The following ZNF609 variants were observed in gnomAD, a reference collection of about 807,000 sequenced individuals.
ZNF609 encodes the protein zinc finger protein 609.
A neutral mutation model predicts 109.5 loss-of-function variants in ZNF609; 11 were observed. The observed-to-expected ratio is 0.10, with a 90% CI of 0.06 to 0.17. The LOEUF is 0.17. Ranked by LOEUF, ZNF609 falls within the 10% of genes least tolerant of loss-of-function variation. The probability of loss-of-function intolerance (pLI) is 1.00; values close to 1 mark genes in which losing one functional copy is unlikely to be tolerated. For missense variants in ZNF609, 1,559 were observed against 1,772.4 expected (o/e 0.88, Z 2.16); for synonymous variants, 646 against 662.0 (o/e 0.98, Z 0.37).
intron 1 of ZNF609, among the ~76,000 whole-genome samples, chr15:64,483,336 T>C (rs1420494581): frequency 1.3e-5 from 2 of 152,158 alleles, no homozygotes; most frequent in Non-Finnish European, 2.9e-5. Context: ...TTAGGTGATC[T>C]GCCCGCCTCA....
At chr15:64,654,992 A>C (rs1195775557) in intron 3 of ZNF609, among the ~76,000 whole-genome samples, 1 of 151,550 alleles carries the variant, frequency 6.6e-6, no homozygotes, top group East Asian at 1.9e-4. Flanking sequence ...GCTACTCGGG[A>C]GGTTGAGGCA....
intron 2 of ZNF609, among the ~76,000 whole-genome samples, chr15:64,571,910 G>A (rs1487110632): frequency 6.6e-6 from 1 of 152,128 alleles, no homozygotes; most frequent in Non-Finnish European, 1.5e-5. Flanking sequence ...GACCTCAAGT[G>A]ATCTCACAAA....
At chr15:64,486,517 CTG>C (rs1226242908) in intron 1 of ZNF609, among the ~76,000 whole-genome samples, 1 of 101,160 alleles carries the variant, frequency 9.9e-6, no homozygotes, top group African/African-American at 3.2e-5. Flanking sequence ...GAGTGAGACT[CTG>C]TCTCCAAAAA....
chr15:64,603,024 C>T (rs1175794706), intron 2 of ZNF609, among the ~76,000 whole-genome samples: 2 of 149,726 alleles, frequency 1.3e-5, no homozygotes, highest in African/African-American at 2.5e-5. Flanking sequence ...GGATTACAGG[C>T]GTGAGCTGCC....
At chr15:64,680,474 T>C in intron 7 of ZNF609, 114 bp downstream of exon 7, 1 of 1,403,842 alleles carries the variant, frequency 7.1e-7, no homozygotes, top group Middle Eastern at 2.6e-4. Flanking sequence ...TTGGCTGACT[T>C]GACACTGGCA....
intron 3 of ZNF609, among the ~76,000 whole-genome samples, chr15:64,647,469 C>T (rs1896352290): frequency 6.6e-6 from 1 of 152,022 alleles, no homozygotes; most frequent in Non-Finnish European, 1.5e-5. Flanking sequence ...ATAAATTACC[C>T]AGAGATAACC....
chr15:64,524,581 G>C (rs1358324957), intron 2 of ZNF609, among the ~76,000 whole-genome samples: 1 of 151,646 alleles, frequency 6.6e-6, no homozygotes, highest in East Asian at 1.9e-4. Context: ...AAAAAAAAGG[G>C]GGGGGCCTTT....
At chr15:64,593,758 A>G (rs1005615543) in intron 2 of ZNF609, among the ~76,000 whole-genome samples, 16 of 152,138 alleles carry the variant, frequency 1.1e-4, no homozygotes, top group Admixed American at 2.6e-4. Flanking sequence ...TCAAACTCCT[A>G]GACTCAAGTG....
chr15:64,638,676 T>C (rs1162748251), intron 3 of ZNF609, among the ~76,000 whole-genome samples: 1 of 151,414 alleles, frequency 6.6e-6, no homozygotes, highest in East Asian at 2.0e-4. Flanking sequence ...TGGACAGATT[T>C]CTTGAGCCCG....
At chr15:64,640,941 A>G (rs564486184) in intron 3 of ZNF609, among the ~76,000 whole-genome samples, 1 of 152,112 alleles carries the variant, frequency 6.6e-6, no homozygotes, top group East Asian at 1.9e-4. Context: ...CATCTTTCCC[A>G]TTTCTCCCAT....
In ZNF609 at chr15:64,673,977, A is replaced by T; in HGVS notation, c.1123A>T (p.Met375Leu). The T allele has an allele frequency of 1.2e-6, 2 of 1,614,202 alleles. No individual in the cohort carries two copies. The highest frequency in any genetic ancestry group is 1.7e-6 in the Non-Finnish European group (2 of 1,180,040). Residue 375 changes from methionine (M) to leucine (L), a missense_variant, in exon 5 of 10, where the codon ATG becomes TTG. Met to Leu is a conservative substitution (Grantham distance 15, BLOSUM62 2). Transcript: ENST00000326648. ...MRNGRGRGKR[M>L]RPNSNTPVNE... ...CAATGGCCGGGGTAGAGGCAAACGCATGCGTCCCAACAGTAATACACCTGT... is the reference window on the plus strand; with the variant it reads ...CAATGGCCGGGGTAGAGGCAAACGCTTGCGTCCCAACAGTAATACACCTGT...
rs561778587 is a variant in ZNF609 at position 64,669,980 on chromosome 15, T to G, written c.974-366T>G. 2.0e-5 allele frequency among the ~76,000 whole-genome samples: 3 copies of G among 152,320 alleles called. No individual in the cohort carries two copies. In the East Asian group the frequency reaches 5.8e-4, roughly 29 times the overall value. ...ACCACTCCCGGCCAAAAAAAAATTT[T>G]TTTAATTATCCAGGTGTGGTGACAT... is the stretch of plus-strand genomic sequence containing the variant. On this transcript the variant is annotated intron_variant, in intron 3 of 9. Coordinates refer to ENST00000326648, the MANE Select transcript of ZNF609 (RefSeq NM_015042.2).
At chr15:64,619,735 A>G (rs1895850529) in intron 2 of ZNF609, among the ~76,000 whole-genome samples, 1 of 152,216 alleles carries the variant, frequency 6.6e-6, no homozygotes, top group African/African-American at 2.4e-5. Context: ...CCTCATGTGT[A>G]TGAGTCTGTT....
At chr15:64,608,981 C>T (rs1455554143) in intron 2 of ZNF609, among the ~76,000 whole-genome samples, 1 of 152,100 alleles carries the variant, frequency 6.6e-6, no homozygotes, top group East Asian at 1.9e-4. Flanking sequence ...AAGCATTCTA[C>T]CCACCTCAGG....
At chr15:64,550,379 G>T (rs1446230513) in intron 2 of ZNF609, among the ~76,000 whole-genome samples, 1 of 151,876 alleles carries the variant, frequency 6.6e-6, no homozygotes, top group Non-Finnish European at 1.5e-5. Flanking sequence ...ATATATTTTG[G>T]ATATTAATCT....
intron 2 of ZNF609, among the ~76,000 whole-genome samples, chr15:64,595,222 G>T (rs551453155): frequency 2.0e-5 from 3 of 151,834 alleles, no homozygotes; most frequent in Admixed American, 6.6e-5. Context: ...TTAGCCGGGC[G>T]TGGTGGTGGG....
At position 64,499,947 on chromosome 15, in the gene ZNF609, G is replaced by C. The variant is rs374095560; in HGVS notation, c.528G>C (p.Gly176=). 10 of 1,613,984 alleles carry C rather than the reference G, an allele frequency of 6.2e-6. No homozygotes were observed. In the African/African-American group the frequency reaches 1.3e-4, roughly 22 times the overall value. ...KSKKERSEGV[G]TCSEKDPGVL... ...AGAAGGAGAGAAGCGAAGGAGTGGGGACTTGTTCAGAAAAGGATCCTGGGG... is the reference window on the plus strand; with the variant it reads ...AGAAGGAGAGAAGCGAAGGAGTGGGCACTTGTTCAGAAAAGGATCCTGGGG... Residue 176 remains glycine, a synonymous_variant, in exon 2 of 10, where the codon GGG becomes GGC. Coordinates refer to ENST00000326648, the MANE Select transcript of ZNF609 (RefSeq NM_015042.2).
rs1032155075 is a variant in ZNF609, at chr15:64,674,113, G to C, written c.1259G>C (p.Arg420Pro). The part of the protein sequence containing the change: ...RRGSQNSSEH[R>P]PPASSTSEDV... ...GGCAGCCAGAATTCTTCAGAGCACCGCCCACCTGCCAGCAGCACTTCTGAG... is the reference window on the plus strand; with the variant it reads ...GGCAGCCAGAATTCTTCAGAGCACCCCCCACCTGCCAGCAGCACTTCTGAG... Residue 420 changes from arginine (R) to proline (P), a missense_variant, in exon 5 of 10, where the codon CGC becomes CCC. This residue lies in a region of ZNF609 where 1,204 missense variants were observed against 1,314.1 expected (regional missense o/e 0.92). Transcript: ENST00000326648. The C allele has an allele frequency of 6.2e-7, 1 of 1,614,150 alleles. No individual in the cohort carries two copies. Among genetic ancestry groups the C allele is most frequent in the African/African-American group, 1.3e-5 (1 of 75,024 alleles).
intron 2 of ZNF609, among the ~76,000 whole-genome samples, chr15:64,511,594 T>A (rs763975308): frequency 6.6e-6 from 1 of 152,122 alleles, no homozygotes; most frequent in Admixed American, 6.5e-5. Context: ...ACATTCAGGT[T>A]GCAGAGTTTC....
Sources: gnomAD v4.1 joint callset for allele counts (sites outside exome capture counted in the v4.1 genomes callset) on GRCh38, gnomAD v4.1.1 for gene constraint, gnomAD v4.1.1 regional missense constraint, MANE v1.5 for transcripts, NCBI Gene and HGNC (gene_info 2026-07-23, HGNC 2026-07-21) for gene names.